Variants in SH3RF3 observed in about 807,000 individuals in gnomAD.
SH3RF3 encodes SH3 domain containing ring finger 3.
Under a neutral mutation model 66.3 loss-of-function variants are expected in SH3RF3, and 29 were observed. That is an observed-to-expected ratio of 0.44 (90% CI 0.33 to 0.60). The LOEUF is 0.60. Among genes scored for constraint, SH3RF3 ranks in the 20% least tolerant of loss-of-function variants. The pLI is 0.04. For synonymous variants in SH3RF3, 583 were observed against 532.0 expected, an observed-to-expected ratio of 1.10 and a Z score of -1.32; for missense variants, 1,194 against 1,190.9, an observed-to-expected ratio of 1.00 and a Z score of -0.04.
At chr2:109,373,730 T>A (rs1048051193) in intron 3 of SH3RF3, among the ~76,000 whole-genome samples, 1 of 152,170 alleles carries the variant, frequency 6.6e-6, no homozygotes, top group Non-Finnish European at 1.5e-5. Context: ...ATTATGCTGC[T>A]GTAAAATGGT....
chr2:109,278,544 C>G (rs1287661680), intron 1 of SH3RF3, among the ~76,000 whole-genome samples: 1 of 152,202 alleles, frequency 6.6e-6, no homozygotes, highest in Non-Finnish European at 1.5e-5. Context: ...ACTGGAATGT[C>G]GGGCCCCAAT....
chr2:109,424,408 A>T (rs1293148477), intron 5 of SH3RF3, among the ~76,000 whole-genome samples: 1 of 152,238 alleles, frequency 6.6e-6, no homozygotes, highest in Non-Finnish European at 1.5e-5. Context: ...CTTCAGCCTC[A>T]GAATGCAGCA....
rs149133361 is a variant in SH3RF3 at position 109,256,022 on chromosome 2, T to C, written c.574-91652T>C. On this transcript the variant is annotated intron_variant, in intron 1 of 9. Transcript: ENST00000309415. ...TGTGCTTGTATGTAAATGTACATAC[T>C]CTCTTACTGTCCTCTTTTTCCTCCT... 1.1e-4 allele frequency among the ~76,000 whole-genome samples: 16 copies of C among 152,334 alleles called. No homozygotes were observed. The East Asian group carries it at 3.1e-3, about 29-fold the overall frequency.
At chr2:109,207,158 C>T (rs983393426) in intron 1 of SH3RF3, among the ~76,000 whole-genome samples, 8 of 152,090 alleles carry the variant, frequency 5.3e-5, no homozygotes, top group Non-Finnish European at 1.0e-4. Context: ...GGTGCAATGA[C>T]GACACAGTGC....
At chr2:109,268,523 G>T (rs1177206087) in intron 1 of SH3RF3, among the ~76,000 whole-genome samples, 1 of 152,152 alleles carries the variant, frequency 6.6e-6, no homozygotes, top group Non-Finnish European at 1.5e-5. Flanking sequence ...CAGGAGCCTG[G>T]CCCCATTGCC....
At chr2:109,494,529 G>A (rs1032027281) in intron 9 of SH3RF3, among the ~76,000 whole-genome samples, 1 of 152,188 alleles carries the variant, frequency 6.6e-6, no homozygotes, top group African/African-American at 2.4e-5. Context: ...CTTGGGCCCT[G>A]CAGACTTGTG....
At chr2:109,346,741 T>A (rs1050141017) in intron 1 of SH3RF3, among the ~76,000 whole-genome samples, 2 of 152,114 alleles carry the variant, frequency 1.3e-5, no homozygotes, top group African/African-American at 4.8e-5. Context: ...TAGAATCTTG[T>A]TTGGATTTCA....
At chr2:109,201,934 TA>T in intron 1 of SH3RF3, among the ~76,000 whole-genome samples, 1 of 152,284 alleles carries the variant, frequency 6.6e-6, no homozygotes, top group South Asian at 2.1e-4. Context: ...CGTGGCATCA[TA>T]AAAAAACTGG....
intron 1 of SH3RF3, among the ~76,000 whole-genome samples, chr2:109,202,736 G>A (rs546339687): frequency 1.3e-5 from 2 of 152,234 alleles, no homozygotes; most frequent in Non-Finnish European, 2.9e-5. Context: ...CGGCCTTCCC[G>A]TGGGGCTGTC....
At chr2:109,184,917 T>G (rs1486573537) in intron 1 of SH3RF3, among the ~76,000 whole-genome samples, 2 of 152,210 alleles carry the variant, frequency 1.3e-5, no homozygotes, top group Admixed American at 6.5e-5. Flanking sequence ...ACCAAGAATG[T>G]AAGAAAATAT....
intron 9 of SH3RF3, 112 bp from the exon 10 acceptor site, chr2:109,501,391 G>C (rs1483609521): frequency 8.8e-6 from 5 of 565,314 alleles, no homozygotes; most frequent in Non-Finnish European, 1.6e-5. Flanking sequence ...ATTGTATAAA[G>C]TGGGAAAATA....
At chr2:109,436,565 T>A (rs530719303) in intron 6 of SH3RF3, among the ~76,000 whole-genome samples, 1 of 152,370 alleles carries the variant, frequency 6.6e-6, no homozygotes, top group Admixed American at 6.5e-5. Context: ...CTGTTCTTTC[T>A]GGATGTATCT....
chr2:109,426,976 A>AT (rs781727169), intron 5 of SH3RF3, among the ~76,000 whole-genome samples: 7 of 108,072 alleles, frequency 6.5e-5, no homozygotes, highest in African/African-American at 2.8e-4. Flanking sequence ...ATATATATAT[A>AT]TATTTTTTTT....
intron 1 of SH3RF3, among the ~76,000 whole-genome samples, chr2:109,230,681 A>T (rs994020009): frequency 1.3e-5 from 2 of 152,182 alleles, no homozygotes; most frequent in African/African-American, 4.8e-5. Flanking sequence ...ATGTCAGAAA[A>T]TCGTAAGTCG....
chr2:109,414,688 A>G (rs1342181939), intron 4 of SH3RF3, among the ~76,000 whole-genome samples: 2 of 152,120 alleles, frequency 1.3e-5, no homozygotes, highest in Non-Finnish European at 2.9e-5. Context: ...CAGCACCCTC[A>G]TCATCCACAC....
chr2:109,398,795 C>T lies in SH3RF3; in HGVS notation c.1151C>T (p.Ala384Val), dbSNP rs371355051. Residue 384 changes from alanine to valine, a missense_variant, in exon 4 of 10, where the codon GCG (alanine) becomes GTG (valine). By Grantham distance (64) the Ala-to-Val change is moderately conservative. Coordinates refer to ENST00000309415, the MANE Select transcript of SH3RF3 (RefSeq NM_001099289.3). ...KNTKKRHSFT[A>V]LSVTHRSSQA... The stretch of plus-strand genomic sequence containing the variant: ...ACCAAGAAACGCCACTCCTTCACCG[C>T]GCTCAGTGTGACGCACAGATCCTCC... 25 of 1,613,698 alleles carry T rather than the reference C, an allele frequency of 1.5e-5. No homozygotes were observed. The East Asian group carries it at 2.5e-4, about 16-fold the overall frequency.
chr2:109,247,774 C>A (rs531830988), intron 1 of SH3RF3, among the ~76,000 whole-genome samples: 2 of 152,158 alleles, frequency 1.3e-5, no homozygotes, highest in East Asian at 3.8e-4. Flanking sequence ...TAAAATAATA[C>A]CTTTTTATTT....
intron 7 of SH3RF3, among the ~76,000 whole-genome samples, chr2:109,444,098 A>T (rs1014438280): frequency 1.3e-5 from 2 of 152,204 alleles, no homozygotes; most frequent in Non-Finnish European, 2.9e-5. Context: ...AATAATAACA[A>T]ATATTTGATA....
chr2:109,259,317 A>G (rs1356723072), intron 1 of SH3RF3, among the ~76,000 whole-genome samples: 3 of 152,138 alleles, frequency 2.0e-5, no homozygotes, highest in African/African-American at 7.2e-5. Context: ...CCTGGCTCTG[A>G]CAGTTGAGCC....
Sources: allele counts gnomAD v4.1 joint callset (sites outside exome capture counted in the v4.1 genomes callset), GRCh38; gene constraint gnomAD v4.1.1; transcripts MANE v1.5; gene names NCBI Gene and HGNC (gene_info 2026-07-23, HGNC 2026-07-21).